FAM219A: variants seen among roughly 807,000 people sequenced by gnomAD.
FAM219A encodes the protein protein FAM219A.
In FAM219A, 7 loss-of-function variants were observed where a neutral mutation model predicts 23.4. The observed-to-expected ratio is 0.30, with a 90% CI of 0.17 to 0.56. FAM219A has a LOEUF of 0.56. Among genes scored for constraint, FAM219A ranks in the 20% least tolerant of loss-of-function variants. FAM219A has a pLI of 0.92. For missense variants in FAM219A, 166 were observed against 246.9 expected (o/e 0.67, Z 2.20); for synonymous variants, 93 against 99.0 (o/e 0.94, Z 0.36).
chr9:34,411,204 T>A (rs1821807646), intron 1 of FAM219A, among the ~76,000 whole-genome samples: 1 of 152,212 alleles, frequency 6.6e-6, no homozygotes, highest in African/African-American at 2.4e-5. Context: ...CACTCCAGCA[T>A]GATACAATTC....
intron 1 of FAM219A, among the ~76,000 whole-genome samples, chr9:34,424,610 C>T (rs896302144): frequency 1.3e-5 from 2 of 152,224 alleles, no homozygotes; most frequent in Middle Eastern, 3.4e-3. Flanking sequence ...CAGCAAAGAC[C>T]CTTGACTTCT....
chr9:34,428,332 G>A (rs866657084), intron 1 of FAM219A, among the ~76,000 whole-genome samples: 6 of 152,216 alleles, frequency 3.9e-5, no homozygotes, highest in African/African-American at 1.2e-4. Context: ...TGTCTAGAGA[G>A]TAGGGCCTAT....
chr9:34,424,231 G>C (rs963493597), intron 1 of FAM219A, among the ~76,000 whole-genome samples: 7 of 152,138 alleles, frequency 4.6e-5, no homozygotes, highest in African/African-American at 1.7e-4. Flanking sequence ...GAAAGAACCA[G>C]CATAGAATGG....
At position 34,417,198 on chromosome 9, in the gene FAM219A, A is replaced by G. The variant is rs1355922298; in HGVS notation, c.61-11234T>C. 6.6e-6 allele frequency among the ~76,000 whole-genome samples: 1 copy of G among 151,908 alleles called. No individual in the cohort carries two copies. The highest frequency in any genetic ancestry group is 6.6e-5 in the Admixed American group (1 of 15,246). ...AGTACCTGGGATTACAGGCATGCAC[A>G]ACCATATCTGGCTAATTTTTGTATT... On this transcript the variant is annotated intron_variant, in intron 1 of 5. Transcript: ENST00000651358. This position sits in a 1 kb window ranked among gnomAD's most constrained non-coding sequence, Gnocchi z 4.1.
chr9:34,417,480 A>G lies in FAM219A; in HGVS notation c.61-11516T>C, dbSNP rs528113028. 6.6e-6 allele frequency among the ~76,000 whole-genome samples: 1 copy of G among 152,334 alleles called. No homozygotes were observed. The highest frequency in any genetic ancestry group is 2.4e-5 in the African/African-American group (1 of 41,574). ...TTCAGGTTGTTTGCAACTTTTCACTATTATAGATAATGCTACACTGAAATC... is the reference window on the plus strand; with the variant it reads ...TTCAGGTTGTTTGCAACTTTTCACTGTTATAGATAATGCTACACTGAAATC... On this transcript the variant is annotated intron_variant, in intron 1 of 5. Transcript: ENST00000651358. The surrounding 1 kb of genome is among the most constrained non-coding windows in gnomAD (Gnocchi z 4.1).
At chr9:34,448,799 G>A (rs1401171339) in intron 1 of FAM219A, among the ~76,000 whole-genome samples, 1 of 152,100 alleles carries the variant, frequency 6.6e-6, no homozygotes, top group Non-Finnish European at 1.5e-5. Context: ...AAGCTATGAG[G>A]ACACAAAGGC....
At chr9:34,404,700 T>C (rs1473872664) in intron 2 of FAM219A, among the ~76,000 whole-genome samples, 1 of 147,568 alleles carries the variant, frequency 6.8e-6, no homozygotes, top group African/African-American at 2.6e-5. Flanking sequence ...AGAGAGAGAC[T>C]CTGTCTCAAA....
intron 1 of FAM219A, among the ~76,000 whole-genome samples, chr9:34,413,941 G>A (rs1164868739): frequency 6.6e-6 from 1 of 152,170 alleles, no homozygotes; most frequent in Non-Finnish European, 1.5e-5. Context: ...TTTATCCATT[G>A]GTCAGCTGAG....
At chr9:34,406,286 A>C (rs1250378576) in intron 1 of FAM219A, 1 of 985,124 alleles carries the variant, frequency 1.0e-6, no homozygotes, top group Admixed American at 6.1e-5. Flanking sequence ...CCTAACTCCC[A>C]TACTAGTAGC....
intron 1 of FAM219A, among the ~76,000 whole-genome samples, chr9:34,454,545 G>A (rs1465219316): frequency 3.3e-5 from 5 of 152,122 alleles, no homozygotes; most frequent in African/African-American, 1.2e-4. Flanking sequence ...TAAATAATTG[G>A]TGTGATGGGG....
intron 1 of FAM219A, among the ~76,000 whole-genome samples, chr9:34,453,934 A>T (rs1823647636): frequency 6.6e-6 from 1 of 152,160 alleles, no homozygotes. Flanking sequence ...AACCCAACTG[A>T]TCAACAGAGA....
intron 1 of FAM219A, among the ~76,000 whole-genome samples, chr9:34,437,019 C>T (rs1457832483): frequency 1.3e-5 from 2 of 152,108 alleles, no homozygotes; most frequent in Non-Finnish European, 2.9e-5. Context: ...TCCTAATTTC[C>T]CTGCCACCAA....
Position 34,399,105 on chromosome 9 carries a change from T to C in FAM219A, c.*1859A>G, listed in dbSNP as rs1029732613. ...CCATTCCAGCTCCCACCTCCCAGGATTGGTGTCCAGAGAGTGGGCTGTGGG... is the reference window on the plus strand; with the variant it reads ...CCATTCCAGCTCCCACCTCCCAGGACTGGTGTCCAGAGAGTGGGCTGTGGG... On this transcript the variant is annotated 3_prime_UTR_variant, in exon 6 of 6. Coordinates refer to ENST00000651358, the MANE Select transcript of FAM219A (RefSeq NM_001184940.2). The C allele has an allele frequency of 1.3e-5, 2 of 152,350 alleles. No individual in the cohort carries two copies. Among genetic ancestry groups the C allele is most frequent in the Non-Finnish European group, 2.9e-5 (2 of 68,240 alleles). 9.4% of individuals were successfully genotyped at this position (152,350 alleles called of 1,614,324 possible).
rs1269447550 is a variant in FAM219A, at chr9:34,457,137, T to A, written c.60+1067A>T. Among the ~76,000 whole-genome samples the A allele has an allele frequency of 3.3e-5, 5 of 152,246 alleles. No homozygotes were observed. Among genetic ancestry groups the A allele is most frequent in the Admixed American group, 6.5e-5 (1 of 15,288 alleles). On this transcript the variant is annotated intron_variant, in intron 1 of 5. Transcript: ENST00000651358. The surrounding 1 kb of genome is among the most constrained non-coding windows in gnomAD (Gnocchi z 5.1). ...AATGGGGCATCCACACTTTCGGATTTGTAGCCCACCTTGCCTCCTTCCAAT... is the reference window on the plus strand; with the variant it reads ...AATGGGGCATCCACACTTTCGGATTAGTAGCCCACCTTGCCTCCTTCCAAT...
intron 1 of FAM219A, among the ~76,000 whole-genome samples, chr9:34,415,362 A>C (rs1021785877): frequency 6.6e-6 from 1 of 152,230 alleles, no homozygotes; most frequent in African/African-American, 2.4e-5. Flanking sequence ...TCATTACTAA[A>C]AGTAAGCACC....
chr9:34,416,261 G>A (rs1275744791), intron 1 of FAM219A, among the ~76,000 whole-genome samples: 4 of 99,594 alleles, frequency 4.0e-5, no homozygotes, highest in Non-Finnish European at 6.2e-5. Flanking sequence ...GAAAGAAAGG[G>A]GGAGGGAGGG....
chr9:34,424,064 C>T (rs528925476), intron 1 of FAM219A, among the ~76,000 whole-genome samples: 44 of 152,060 alleles, frequency 2.9e-4, no homozygotes, highest in East Asian at 9.7e-4. Context: ...CTGACAGCTA[C>T]GGTCAGAGGG....
At chr9:34,444,092 A>G (rs1823282644) in intron 1 of FAM219A, among the ~76,000 whole-genome samples, 1 of 152,190 alleles carries the variant, frequency 6.6e-6, no homozygotes, top group Non-Finnish European at 1.5e-5. Context: ...TCTAGGCCAG[A>G]GCTGGATGCA....
chr9:34,402,196 C>G, intron 4 of FAM219A, 191 bp downstream of exon 4: 7 of 1,525,590 alleles, frequency 4.6e-6, no homozygotes, highest in Non-Finnish European at 5.3e-6. Context: ...CCTTTCCTCT[C>G]TCTGCCACCT....
Sources: gnomAD v4.1 joint callset for allele counts (sites outside exome capture counted in the v4.1 genomes callset) on GRCh38, gnomAD v4.1.1 for gene constraint, Gnocchi (gnomAD v3.1) non-coding constraint, MANE v1.5 for transcripts, NCBI Gene and HGNC (gene_info 2026-07-23, HGNC 2026-07-21) for gene names.